RTCA: variants seen among roughly 807,000 people sequenced by gnomAD.
RTCA encodes the protein RNA 3'-terminal phosphate cyclase.
In RTCA, 37 loss-of-function variants were observed where a neutral mutation model predicts 46.1. The ratio of observed to expected loss-of-function variants is 0.80; its 90% CI spans 0.62 to 1.06. The LOEUF is 1.06. Among genes scored for constraint, RTCA ranks in the 50% least tolerant of loss-of-function variants. The pLI, the probability that RTCA is intolerant of heterozygous loss-of-function variation, is 0.00. For synonymous variants in RTCA, 164 were observed against 158.3 expected, an observed-to-expected ratio of 1.04 and a Z score of -0.27; for missense variants, 435 against 455.5, an observed-to-expected ratio of 0.95 and a Z score of 0.41.
chr1:100,270,513 G>C (rs772614918), intron 3 of RTCA, 44 bp from the exon 4 acceptor site: 1 of 1,600,952 alleles, frequency 6.2e-7, no homozygotes, highest in South Asian at 1.1e-5. Flanking sequence ...AAAAGAAAAT[G>C]CAGAAAAGAA....
chr1:100,269,793 C>T (rs1036679949), intron 3 of RTCA, among the ~76,000 whole-genome samples: 5 of 152,050 alleles, frequency 3.3e-5, no homozygotes, highest in Non-Finnish European at 7.4e-5. Flanking sequence ...AGGTTTTAAG[C>T]CCTGCATGCA....
At chr1:100,272,407 G>A (rs1350274541) in intron 4 of RTCA, among the ~76,000 whole-genome samples, 2 of 152,084 alleles carry the variant, frequency 1.3e-5, no homozygotes, top group Non-Finnish European at 2.9e-5. Context: ...GGGTAACATA[G>A]CGAGACCCCA....
In RTCA at chr1:100,270,610, C is replaced by T. The variant is rs1666031836; in HGVS notation, c.344C>T (p.Ser115Phe). The change falls in exon 4 of 11, where the codon TCT becomes TTT. Residue 115 changes from serine to phenylalanine, a missense_variant. Ser to Phe is a radical substitution (Grantham distance 155). Transcript: ENST00000370128. ...ATGCCGTGTGTTCTCTTTGCTGCTTCTCCATCAGAACTTCATTTGAAAGGT... is the reference window on the plus strand; with the variant it reads ...ATGCCGTGTGTTCTCTTTGCTGCTTTTCCATCAGAACTTCATTTGAAAGGT... ...VSMPCVLFAA[S>F]PSELHLKGGT... is the part of the protein sequence containing the mutation. The T allele has an allele frequency of 6.2e-7, 1 of 1,614,138 alleles. No homozygotes were observed. Among genetic ancestry groups the T allele is most frequent in the Non-Finnish European group, 8.5e-7 (1 of 1,180,006 alleles).
chr1:100,269,137 G>A (rs1267581613), intron 3 of RTCA, among the ~76,000 whole-genome samples: 2 of 151,778 alleles, frequency 1.3e-5, no homozygotes, highest in Non-Finnish European at 2.9e-5. Flanking sequence ...GGTGGAAGGT[G>A]CAGTGAACTG....
At position 100,274,921 on chromosome 1, in the gene RTCA, A is replaced by C; in HGVS notation, c.571A>C (p.Lys191Gln). Residue 191 changes from lysine (K) to glutamine (Q), a missense_variant, in exon 6 of 11, where the codon AAG becomes CAG. Lys to Gln is a moderately conservative substitution (Grantham distance 53). Coordinates refer to ENST00000370128, the MANE Select transcript of RTCA (RefSeq NM_003729.4). ...TTTAACTGAGCGTGGCTGTGTGACT[A>C]AGATATATGGAAGAGCTTTCGTTGC... ...INLTERGCVT[K>Q]IYGRAFVAGV... 1 of 1,612,878 alleles carries C rather than the reference A, an allele frequency of 6.2e-7. No individual in the cohort carries two copies. The highest frequency in any genetic ancestry group is 8.5e-7 in the Non-Finnish European group (1 of 1,179,132).
In RTCA at chr1:100,273,519, C is replaced by T. The variant is rs1241206517; in HGVS notation, c.473+67C>T. ...GCTAGAAGTAGTGGAAAAGTTAGAC[C>T]CTTAGAGAACTGTCTTTCTGGTACC... On this transcript the variant is annotated intron_variant, in intron 5 of 10. Coordinates refer to ENST00000370128, the MANE Select transcript of RTCA (RefSeq NM_003729.4). 4 of 938,032 alleles carry T rather than the reference C, an allele frequency of 4.3e-6. No individual in the cohort carries two copies. The Middle Eastern group carries it at 7.7e-4, about 179-fold the overall frequency. The allele number at this position is 938,032 out of a possible 1,614,324, so 58.1% of individuals were successfully genotyped here.
At chr1:100,286,950 C>A in intron 9 of RTCA, 149 bp from the exon 10 acceptor site, 1 of 547,988 alleles carries the variant, frequency 1.8e-6, no homozygotes, top group Non-Finnish European at 3.1e-6. Flanking sequence ...TTTCTGTCAT[C>A]TTCTGAGTAT....
chr1:100,270,199 TTGA>T lies in RTCA; in HGVS notation c.291-357_291-355del, dbSNP rs1416307232. Among the ~76,000 whole-genome samples the T allele has an allele frequency of 4.6e-5, 3 of 64,536 alleles. No homozygotes were observed. In the Admixed American group the frequency reaches 6.6e-4, roughly 14 times the overall value. The allele number at this position is 64,536 out of a possible 152,430, so 42.3% of individuals were successfully genotyped here. ...TTTCAAGAATTCTTTTGTAAAACTT[TTGA>T]AGAAGGTTTTATTTTTAATTTTTTT... On this transcript the variant is annotated intron_variant, in intron 3 of 10. Transcript: ENST00000370128.
At position 100,277,312 on chromosome 1, in the gene RTCA, A is replaced by G; in HGVS notation, c.795A>G (p.Lys265=). ...GCLFAGSSLG[K]RGVNADKVGI... is the part of the protein sequence containing the mutation. ...TGTTTGCTGGATCATCGCTTGGTAA[A>G]CGAGGTAAGATAAATGAAGGGGGTC... The change falls in exon 8 of 11, where the codon AAA becomes AAG. Residue 265 remains lysine, a synonymous_variant. Coordinates refer to ENST00000370128, the MANE Select transcript of RTCA (RefSeq NM_003729.4). 6.2e-7 allele frequency: 1 copy of G among 1,610,520 alleles called. No homozygotes were observed. The highest frequency in any genetic ancestry group is 1.1e-5 in the South Asian group (1 of 90,378).
chr1:100,270,698 T>C lies in RTCA; in HGVS notation c.414+18T>C. 1 of 1,612,178 alleles carries C rather than the reference T, an allele frequency of 6.2e-7. No homozygotes were observed. Among genetic ancestry groups the C allele is most frequent in the Non-Finnish European group, 8.5e-7 (1 of 1,179,142 alleles). ...CAGTGATGGTAAGGGCTTTTGTTGT[T>C]GACAAACTAAGATGATCTCATACAT... On this transcript the variant is annotated intron_variant, in intron 4 of 10. Coordinates refer to ENST00000370128, the MANE Select transcript of RTCA (RefSeq NM_003729.4).
chr1:100,289,568 T>A (rs1026340475), intron 10 of RTCA, among the ~76,000 whole-genome samples: 1 of 152,242 alleles, frequency 6.6e-6, no homozygotes, highest in African/African-American at 2.4e-5. Flanking sequence ...TAACTCTATT[T>A]TTTTTGTTAC....
chr1:100,275,228 C>T (rs144149517), intron 6 of RTCA, among the ~76,000 whole-genome samples: 1 of 152,162 alleles, frequency 6.6e-6, no homozygotes, highest in African/African-American at 2.4e-5. Context: ...CTGGGGACTG[C>T]TAATGGGAGG....
intron 8 of RTCA, among the ~76,000 whole-genome samples, chr1:100,280,554 A>C (rs927532905): frequency 2.0e-5 from 3 of 152,200 alleles, no homozygotes; most frequent in African/African-American, 2.4e-5. Flanking sequence ...GGTTCCTATC[A>C]TGCACATCAG....
rs929310553 is a variant in RTCA, at chr1:100,279,228, C to T, written c.799+1912C>T. 3.9e-5 allele frequency among the ~76,000 whole-genome samples: 6 copies of T among 152,242 alleles called. No individual in the cohort carries two copies. In the South Asian group the frequency reaches 1.0e-3, roughly 26 times the overall value. On this transcript the variant is annotated intron_variant, in intron 8 of 10. Coordinates refer to ENST00000370128, the MANE Select transcript of RTCA (RefSeq NM_003729.4). ...TACCAAATGTGCCAGGTACTGTGTACTAGGGATTCAAAAGTGACAGCTATG... is the reference window on the plus strand; with the variant it reads ...TACCAAATGTGCCAGGTACTGTGTATTAGGGATTCAAAAGTGACAGCTATG...
Position 100,266,851 on chromosome 1 carries a change from A to G in RTCA, c.146+227A>G, listed in dbSNP as rs1570869091. On this transcript the variant is annotated intron_variant, in intron 2 of 10. Transcript: ENST00000370128. ...GGTCTCGAGTTTTCTCTGTTTGACTAAATAGTGTCATTTGCTGAAGAGCTA... is the reference window on the plus strand; with the variant it reads ...GGTCTCGAGTTTTCTCTGTTTGACTGAATAGTGTCATTTGCTGAAGAGCTA... 30 of 543,448 alleles carry G rather than the reference A, an allele frequency of 5.5e-5. No homozygotes were observed. In the East Asian group the frequency reaches 8.6e-4, roughly 16 times the overall value. The allele number at this position is 543,448 out of a possible 1,614,324, so 33.7% of individuals were successfully genotyped here. A position where few individuals can be genotyped will look rare whatever the true frequency, so the allele number is the denominator to read the frequency against.
At position 100,270,779 on chromosome 1, in the gene RTCA, G is replaced by C. The variant is rs946012746; in HGVS notation, c.414+99G>C. On this transcript the variant is annotated intron_variant, in intron 4 of 10. Coordinates refer to ENST00000370128, the MANE Select transcript of RTCA (RefSeq NM_003729.4). ...CTGAGTGTTTTTTTGTGACTTTCTT[G>C]TTTATCTCTTCATGGTGTCTTTTCT... 6 of 1,343,500 alleles carry C rather than the reference G, an allele frequency of 4.5e-6. No individual in the cohort carries two copies. The Admixed American group carries it at 1.4e-4, about 31-fold the overall frequency. The allele number at this position is 1,343,500 out of a possible 1,614,324, so 83.2% of individuals were successfully genotyped here. A position where few individuals can be genotyped will look rare whatever the true frequency, so the allele number is the denominator to read the frequency against.
chr1:100,276,064 T>A (rs901208973), intron 7 of RTCA, among the ~76,000 whole-genome samples: 1 of 152,054 alleles, frequency 6.6e-6, no homozygotes, highest in South Asian at 2.1e-4. Flanking sequence ...CTTGATCTCC[T>A]GACCTCATGA....
rs1001603550 is a variant in RTCA at position 100,270,583 on chromosome 1, C to T, written c.317C>T (p.Ser106Leu). The T allele has an allele frequency of 6.2e-7, 1 of 1,614,116 alleles. No individual in the cohort carries two copies. Among genetic ancestry groups the T allele is most frequent in the Non-Finnish European group, 8.5e-7 (1 of 1,179,992 alleles). The change falls in exon 4 of 11, where the codon TCA (serine) becomes TTA (leucine). Residue 106 changes from serine (S) to leucine (L), a missense_variant. By Grantham distance (145) the Ser-to-Leu change is moderately radical. Transcript: ENST00000370128. ...AGTGTGTGCCTCTTGATGCAGGTCT[C>T]AATGCCGTGTGTTCTCTTTGCTGCT... ...AGSVCLLMQV[S>L]MPCVLFAASP...
At chr1:100,269,025 A>ATATATATT (rs952021175) in intron 3 of RTCA, among the ~76,000 whole-genome samples, 8 of 148,144 alleles carry the variant, frequency 5.4e-5, no homozygotes, top group East Asian at 3.9e-4. Context: ...CCCGTCATAT[A>ATATATATT]TATATATTTA....
Sources: gnomAD v4.1 joint callset for allele counts (sites outside exome capture counted in the v4.1 genomes callset) on GRCh38, gnomAD v4.1.1 for gene constraint, MANE v1.5 for transcripts, NCBI Gene and HGNC (gene_info 2026-07-23, HGNC 2026-07-21) for gene names.